ARB2A: variants seen among roughly 807,000 people sequenced by gnomAD.
The protein encoded by ARB2A is ARB2 cotranscriptional regulator A, also known as cotranscriptional regulator ARB2A.
At chr5:93,620,921 C>CG in the ARB2A span, 1 of 1,581,042 alleles carries the variant, frequency 6.3e-7, no homozygotes, top group Non-Finnish European at 8.6e-7. Flanking sequence ...GTCCGCTCGA[C>CG]ACAAGCAGTG....
chr5:93,821,914 A>G, the ARB2A span, among the ~76,000 whole-genome samples: 742 of 152,194 alleles, frequency 4.9e-3, 19 homozygotes, highest in Non-Finnish European at 1.8e-3. Context: ...AGTAGCAAAA[A>G]AAAAAAACGA....
chr5:93,974,518 C>G, the ARB2A span, among the ~76,000 whole-genome samples: 1,714 of 152,134 alleles, frequency 0.011, 35 homozygotes, highest in African/African-American at 0.039. Flanking sequence ...TAACACCCCA[C>G]AAAAGCTATT....
the ARB2A span, among the ~76,000 whole-genome samples, chr5:93,656,862 T>C: frequency 3.8e-4 from 58 of 152,248 alleles, 1 homozygote; most frequent in East Asian, 0.011. Flanking sequence ...AATTAGGGGA[T>C]ACCAGGGCTA....
the ARB2A span, among the ~76,000 whole-genome samples, chr5:93,751,328 T>TA: frequency 6.6e-6 from 1 of 152,196 alleles, no homozygotes; most frequent in Non-Finnish European, 1.5e-5. Context: ...ATTGAATAGT[T>TA]ACGGTCAGAT....
At chr5:93,779,056 G>A in the ARB2A span, among the ~76,000 whole-genome samples, 1 of 150,656 alleles carries the variant, frequency 6.6e-6, no homozygotes. Context: ...AAGTACCTGT[G>A]CAGAACTATA....
At chr5:94,069,710 G>A in the ARB2A span, among the ~76,000 whole-genome samples, 5 of 152,028 alleles carry the variant, frequency 3.3e-5, no homozygotes, top group African/African-American at 1.2e-4. Context: ...TAATCATTAG[G>A]GAAATGCAAG....
At chr5:93,984,431 A>G in the ARB2A span, among the ~76,000 whole-genome samples, 4 of 152,210 alleles carry the variant, frequency 2.6e-5, no homozygotes, top group Admixed American at 2.0e-4. Context: ...ATTTCTTAAA[A>G]TGTTGCAAGA....
At chr5:93,692,008 A>G in the ARB2A span, among the ~76,000 whole-genome samples, 1 of 152,208 alleles carries the variant, frequency 6.6e-6, no homozygotes, top group Non-Finnish European at 1.5e-5. Context: ...CCTACCTTAC[A>G]AGAGCTCCTG....
chr5:93,775,478 T>C, the ARB2A span, among the ~76,000 whole-genome samples: 1 of 152,238 alleles, frequency 6.6e-6, no homozygotes, highest in Non-Finnish European at 1.5e-5. Context: ...TCTTCTTACC[T>C]AGTGACTCAA....
At chr5:93,717,455 T>A in the ARB2A span, among the ~76,000 whole-genome samples, 3 of 151,754 alleles carry the variant, frequency 2.0e-5, no homozygotes, top group Non-Finnish European at 4.4e-5. Flanking sequence ...TTTTTTTTTT[T>A]TTTTTAAAGT....
At chr5:93,779,699 T>C in the ARB2A span, among the ~76,000 whole-genome samples, 1 of 152,310 alleles carries the variant, frequency 6.6e-6, no homozygotes, top group African/African-American at 2.4e-5. Flanking sequence ...ATCGCATGAC[T>C]AATGTTTCTC....
chr5:93,718,577 T>C, the ARB2A span, among the ~76,000 whole-genome samples: 1 of 152,198 alleles, frequency 6.6e-6, no homozygotes, highest in Non-Finnish European at 1.5e-5. Context: ...CTTTAATGTC[T>C]GCAACTACAT....
chr5:93,800,381 T>TCACACACA, the ARB2A span, among the ~76,000 whole-genome samples: 1,149 of 141,046 alleles, frequency 8.1e-3, 8 homozygotes, highest in Middle Eastern at 0.029. Context: ...CTGCATATTT[T>TCACACACA]CACACACACA....
the ARB2A span, among the ~76,000 whole-genome samples, chr5:93,815,838 T>A: frequency 6.6e-6 from 1 of 152,174 alleles, no homozygotes; most frequent in Admixed American, 6.5e-5. Flanking sequence ...ACAACCAGAT[T>A]GTACTTCCTG....
the ARB2A span, chr5:93,741,184 T>C: frequency 6.2e-7 from 1 of 1,613,888 alleles, no homozygotes; most frequent in Non-Finnish European, 8.5e-7. Flanking sequence ...GGCCAATTGC[T>C]GCAACTCTTT....
At chr5:94,020,741 TG>T in the ARB2A span, among the ~76,000 whole-genome samples, 1 of 152,220 alleles carries the variant, frequency 6.6e-6, no homozygotes, top group Non-Finnish European at 1.5e-5. Context: ...CAACAGGCTA[TG>T]TCTGAACTAC....
chr5:93,702,925 C>T, the ARB2A span, among the ~76,000 whole-genome samples: 2 of 152,056 alleles, frequency 1.3e-5, no homozygotes, highest in South Asian at 4.2e-4. Context: ...TTAAAACTGT[C>T]ATAAATTCTT....
chr5:94,014,861 A>C, the ARB2A span, among the ~76,000 whole-genome samples: 1 of 150,044 alleles, frequency 6.7e-6, no homozygotes, highest in Non-Finnish European at 1.5e-5. Flanking sequence ...GAGGGAAGAA[A>C]AATGAAAAGG....
At chr5:93,863,990 T>C in the ARB2A span, among the ~76,000 whole-genome samples, 1 of 152,140 alleles carries the variant, frequency 6.6e-6, no homozygotes, top group Non-Finnish European at 1.5e-5. Context: ...AATGTATCGA[T>C]CACCCTGTCA....
Sources: allele counts gnomAD v4.1 joint callset (sites outside exome capture counted in the v4.1 genomes callset), GRCh38; gene constraint gnomAD v4.1.1; transcripts MANE v1.5; gene names NCBI Gene and HGNC (gene_info 2026-07-23, HGNC 2026-07-21).